METTL16: variants seen among roughly 807,000 people sequenced by gnomAD.
METTL16 encodes the protein methyltransferase 16, RNA N6-adenosine, also known as RNA N(6)-adenosine-methyltransferase METTL16.
A neutral mutation model predicts 57.9 loss-of-function variants in METTL16; 19 were observed. That is an observed-to-expected ratio of 0.33 (90% CI 0.23 to 0.48). The LOEUF (loss-of-function observed/expected upper bound fraction) is 0.48. METTL16 is among the 20% of genes least tolerant of loss of function. The pLI, the probability that METTL16 is intolerant of heterozygous loss-of-function variation, is 0.99. For synonymous variants in METTL16, 246 were observed against 255.6 expected (o/e 0.96, Z 0.36); for missense variants, 434 against 691.5 (o/e 0.63, Z 4.18).
chr17:2,421,055 A>C, intron 8 of METTL16, 151 bp from the exon 9 acceptor site: 1 of 859,872 alleles, frequency 1.2e-6, no homozygotes, highest in South Asian at 1.7e-5. Flanking sequence ...TGTTATGTCC[A>C]GCACTTAAAA....
chr17:2,496,501 C>T (rs544753310), intron 2 of METTL16, among the ~76,000 whole-genome samples: 4 of 151,738 alleles, frequency 2.6e-5, no homozygotes, highest in African/African-American at 9.7e-5. Context: ...TTTCAAAATG[C>T]TAAGTCTTCA....
chr17:2,470,823 A>G (rs530940515), intron 4 of METTL16, among the ~76,000 whole-genome samples: 53 of 152,346 alleles, frequency 3.5e-4, no homozygotes, highest in African/African-American at 1.2e-3. Flanking sequence ...AAATACCTTC[A>G]TGCATACAAA....
Position 2,420,656 on chromosome 17 carries a change from C to T in METTL16, c.1063-60G>A. ...CACGTTTCCCCTCTCTCCAAACTCT[C>T]AATAAAAAAAAAAAGAAAAAAGAAA... is the stretch of plus-strand genomic sequence containing the variant. On this transcript the variant is annotated intron_variant, in intron 9 of 9. Coordinates refer to ENST00000263092, the MANE Select transcript of METTL16 (RefSeq NM_024086.4). The surrounding 1 kb of genome is among the most constrained non-coding windows in gnomAD (Gnocchi z 5.4). 6.5e-7 allele frequency: 1 copy of T among 1,537,794 alleles called. No individual in the cohort carries two copies. The highest frequency in any genetic ancestry group is 8.7e-7 in the Non-Finnish European group (1 of 1,148,246).
intron 5 of METTL16, among the ~76,000 whole-genome samples, chr17:2,465,607 A>G (rs1454801103): frequency 6.6e-6 from 1 of 150,648 alleles, no homozygotes; most frequent in Non-Finnish European, 1.5e-5. Context: ...TCATGCCTGT[A>G]ATCCTAGCAT....
At chr17:2,435,666 G>C (rs1297469344) in intron 8 of METTL16, among the ~76,000 whole-genome samples, 2 of 151,096 alleles carry the variant, frequency 1.3e-5, no homozygotes, top group African/African-American at 4.8e-5. Flanking sequence ...TGGGGCTGGG[G>C]TAGTGGTGGG....
intron 6 of METTL16, among the ~76,000 whole-genome samples, chr17:2,462,753 T>C (rs1251059722): frequency 6.6e-6 from 1 of 152,192 alleles, no homozygotes; most frequent in Non-Finnish European, 1.5e-5. Context: ...CCTGTGGAAC[T>C]GTGAACTAAT....
rs376232651 is a variant in METTL16 at position 2,420,839 on chromosome 17, C to T, written c.954G>A (p.Ala318=). 2.0e-5 allele frequency: 33 copies of T among 1,614,170 alleles called. No individual in the cohort carries two copies. The highest frequency in any genetic ancestry group is 1.6e-4 in the Middle Eastern group (1 of 6,062). The change falls in exon 9 of 10, where the codon GCG becomes GCA. Residue 318 remains alanine (A), a synonymous_variant. Coordinates refer to ENST00000263092, the MANE Select transcript of METTL16 (RefSeq NM_024086.4). This position sits in a 1 kb window ranked among gnomAD's most constrained non-coding sequence, Gnocchi z 5.4. ...PRKPITFVVL[A]SVMKELSLKA... is the part of the protein sequence containing the mutation. Reference sequence around the variant, plus strand: ...TGAGGGATAATTCCTTCATCACGGACGCCAGCACCACGAATGTTATGGGTT... The same window carrying T: ...TGAGGGATAATTCCTTCATCACGGATGCCAGCACCACGAATGTTATGGGTT...
At chr17:2,480,319 T>G (rs1597463307) in intron 2 of METTL16, among the ~76,000 whole-genome samples, 1 of 152,192 alleles carries the variant, frequency 6.6e-6, no homozygotes, top group African/African-American at 2.4e-5. Context: ...TTGCATTCCA[T>G]ACCTGAATAT....
intron 2 of METTL16, among the ~76,000 whole-genome samples, chr17:2,496,632 CTTTCA>C (rs1194487825): frequency 6.6e-6 from 1 of 151,644 alleles, no homozygotes; most frequent in Non-Finnish European, 1.5e-5. Context: ...CATCCCTTTA[CTTTCA>C]TTTCTCTGTA....
chr17:2,460,465 A>G (rs2067141374), intron 6 of METTL16, among the ~76,000 whole-genome samples: 1 of 152,202 alleles, frequency 6.6e-6, no homozygotes. Flanking sequence ...TTGTAGTTCA[A>G]ATGGTACTTT....
At chr17:2,435,674 G>A (rs1427689964) in intron 8 of METTL16, among the ~76,000 whole-genome samples, 1 of 151,016 alleles carries the variant, frequency 6.6e-6, no homozygotes, top group Non-Finnish European at 1.5e-5. Context: ...GGGTAGTGGT[G>A]GGGAGGAAGG....
In METTL16 at chr17:2,478,997, GAC is replaced by G. The variant is rs553478554; in HGVS notation, c.129-1114_129-1113del. On this transcript the variant is annotated intron_variant, in intron 2 of 9. Coordinates refer to ENST00000263092, the MANE Select transcript of METTL16 (RefSeq NM_024086.4). ...CATACGTTTTCGCTGCTCTTGGGTAGACAGTCAGGAATGGATCATAAGATATA... is the reference window on the plus strand; with the variant it reads ...CATACGTTTTCGCTGCTCTTGGGTAGAGTCAGGAATGGATCATAAGATATA... Among the ~76,000 whole-genome samples the G allele has an allele frequency of 2.7e-4, 41 of 152,222 alleles. No individual in the cohort carries two copies. The South Asian group carries it at 8.5e-3, about 32-fold the overall frequency.
At chr17:2,422,156 A>G (rs1208933249) in intron 8 of METTL16, among the ~76,000 whole-genome samples, 1 of 152,026 alleles carries the variant, frequency 6.6e-6, no homozygotes, top group Non-Finnish European at 1.5e-5. Context: ...TACCAAAAAT[A>G]CAAAAATTAG....
chr17:2,419,670 C>A lies in METTL16; in HGVS notation c.*300G>T. 2 of 574,242 alleles carry A rather than the reference C, an allele frequency of 3.5e-6. No homozygotes were observed. The highest frequency in any genetic ancestry group is 6.6e-6 in the Non-Finnish European group (2 of 303,802). 35.6% of individuals were successfully genotyped at this position (574,242 alleles called of 1,614,324 possible). On this transcript the variant is annotated 3_prime_UTR_variant, in exon 10 of 10. Transcript: ENST00000263092. Reference sequence around the variant, plus strand: ...AACAACCCTTCTGACCTTGCAGAGGCAGTCCAGAGCTGAGGGGCCAGCTTG... The same window carrying A: ...AACAACCCTTCTGACCTTGCAGAGGAAGTCCAGAGCTGAGGGGCCAGCTTG...
intron 6 of METTL16, among the ~76,000 whole-genome samples, chr17:2,453,368 T>G (rs1456944967): frequency 6.6e-6 from 1 of 152,238 alleles, no homozygotes; most frequent in Non-Finnish European, 1.5e-5. Flanking sequence ...GAATAGTTCC[T>G]CAGTCTTCTT....
chr17:2,449,184 G>A (rs2067050181), intron 6 of METTL16, among the ~76,000 whole-genome samples: 2 of 152,236 alleles, frequency 1.3e-5, no homozygotes, highest in African/African-American at 4.8e-5. Context: ...GTGTAAAGGT[G>A]AAAGATATTG....
intron 2 of METTL16, among the ~76,000 whole-genome samples, chr17:2,495,311 A>C (rs2067435035): frequency 6.6e-6 from 1 of 152,122 alleles, no homozygotes; most frequent in Non-Finnish European, 1.5e-5. Context: ...AGCCTGGGCA[A>C]CAGAGTGAGA....
intron 8 of METTL16, among the ~76,000 whole-genome samples, chr17:2,431,042 T>C (rs1466735329): frequency 4.6e-5 from 7 of 151,916 alleles, no homozygotes; most frequent in Non-Finnish European, 1.5e-5. Flanking sequence ...GCCTCCTGGG[T>C]TCAAGCAATT....
chr17:2,446,739 C>T (rs933204596), intron 6 of METTL16, among the ~76,000 whole-genome samples: 1 of 152,048 alleles, frequency 6.6e-6, no homozygotes, highest in Non-Finnish European at 1.5e-5. Flanking sequence ...CCTGCTACGC[C>T]TCACTGGTTC....
Sources: gnomAD v4.1 joint callset for allele counts (sites outside exome capture counted in the v4.1 genomes callset) on GRCh38, gnomAD v4.1.1 for gene constraint, Gnocchi (gnomAD v3.1) non-coding constraint, MANE v1.5 for transcripts, NCBI Gene and HGNC (gene_info 2026-07-23, HGNC 2026-07-21) for gene names.